Variants in GPA33 observed in about 807,000 individuals in gnomAD.
GPA33 encodes glycoprotein A33.
Under a neutral mutation model 35.6 loss-of-function variants are expected in GPA33, and 27 were observed. The ratio of observed to expected loss-of-function variants is 0.76; its 90% CI spans 0.56 to 1.04. The LOEUF is 1.04. Ranked by LOEUF, GPA33 falls within the 50% of genes least tolerant of loss-of-function variation. The pLI is 0.00. For missense variants in GPA33, 428 were observed against 411.9 expected, an observed-to-expected ratio of 1.04 and a Z score of -0.34; for synonymous variants, 176 against 164.0, an observed-to-expected ratio of 1.07 and a Z score of -0.56.
chr1:167,088,803 C>A (rs1349249294), intron 1 of GPA33, among the ~76,000 whole-genome samples: 2 of 152,156 alleles, frequency 1.3e-5, no homozygotes, highest in Non-Finnish European at 2.9e-5. Context: ...GTGGTGCAGG[C>A]ATGGAGGAGC....
At chr1:167,088,166 G>A (rs985389049) in intron 1 of GPA33, among the ~76,000 whole-genome samples, 7 of 152,116 alleles carry the variant, frequency 4.6e-5, no homozygotes, top group African/African-American at 1.7e-4. Flanking sequence ...AGCCCAGTAA[G>A]TCCTCTGGAA....
Position 167,090,345 on chromosome 1 carries a change from C to T in GPA33, c.-58G>A, listed in dbSNP as rs1212905298. The stretch of plus-strand genomic sequence containing the variant: ...TGTCACTGGCAGCCTCCAGACAGGT[C>T]TGAGCTGTCTGGTTAAAGCTACAGC... On this transcript the variant is annotated 5_prime_UTR_variant, in exon 1 of 7. Transcript: ENST00000367868. 7.1e-7 allele frequency: 1 copy of T among 1,416,570 alleles called. No homozygotes were observed. Among genetic ancestry groups the T allele is most frequent in the East Asian group, 2.3e-5 (1 of 43,526 alleles). 87.8% of individuals were successfully genotyped at this position (1,416,570 alleles called of 1,614,324 possible). A position where few individuals can be genotyped will look rare whatever the true frequency, so the allele number is the denominator to read the frequency against.
At chr1:167,064,211 G>C (rs747180420) in intron 3 of GPA33, among the ~76,000 whole-genome samples, 1 of 152,132 alleles carries the variant, frequency 6.6e-6, no homozygotes, top group Admixed American at 6.5e-5. Flanking sequence ...TTGAATCTGG[G>C]AGGCGGAGGT....
intron 1 of GPA33, among the ~76,000 whole-genome samples, chr1:167,082,914 C>G (rs577839471): frequency 6.8e-4 from 104 of 152,146 alleles, no homozygotes; most frequent in African/African-American, 2.4e-3. Context: ...AGGAAGGAGG[C>G]GGGTTCCAAG....
At chr1:167,090,032 C>T (rs967595679) in intron 1 of GPA33, among the ~76,000 whole-genome samples, 1 of 152,144 alleles carries the variant, frequency 6.6e-6, no homozygotes, top group African/African-American at 2.4e-5. Context: ...TTCTTCATTT[C>T]AGCAGTGGGC....
chr1:167,084,240 C>A (rs1178470773), intron 1 of GPA33, among the ~76,000 whole-genome samples: 1 of 152,176 alleles, frequency 6.6e-6, no homozygotes, highest in Non-Finnish European at 1.5e-5. Flanking sequence ...GGCAAACAGG[C>A]TCAGGAGACA....
chr1:167,081,176 A>T (rs1417456596), intron 1 of GPA33, among the ~76,000 whole-genome samples: 1 of 152,252 alleles, frequency 6.6e-6, no homozygotes, highest in Non-Finnish European at 1.5e-5. Flanking sequence ...AATACGTTGG[A>T]GGATAATGAA....
At chr1:167,060,637 T>A (rs1187402358) in intron 4 of GPA33, among the ~76,000 whole-genome samples, 20 of 152,204 alleles carry the variant, frequency 1.3e-4, no homozygotes, top group Admixed American at 1.3e-3. Context: ...GGATTCTCCC[T>A]TTTGGATAAT....
intron 5 of GPA33, 146 bp downstream of exon 5, chr1:167,055,584 T>C (rs561583515): frequency 1.2e-6 from 1 of 838,746 alleles, no homozygotes; most frequent in Non-Finnish European, 1.9e-6. Context: ...AGAGTCATCC[T>C]GCCTAGGTCA....
At chr1:167,073,740 C>T (rs151195737) in intron 1 of GPA33, among the ~76,000 whole-genome samples, 418 of 152,254 alleles carry the variant, frequency 2.7e-3, no homozygotes, top group Non-Finnish European at 4.3e-3. Context: ...GGGCCTTGGT[C>T]CACCTGACTC....
chr1:167,071,242 C>T (rs1458395573), intron 2 of GPA33, among the ~76,000 whole-genome samples: 2 of 152,114 alleles, frequency 1.3e-5, no homozygotes, highest in Non-Finnish European at 2.9e-5. Flanking sequence ...CAAGAAGACT[C>T]CAAGGTTGGA....
At chr1:167,085,762 T>C (rs1667035123) in intron 1 of GPA33, among the ~76,000 whole-genome samples, 1 of 152,238 alleles carries the variant, frequency 6.6e-6, no homozygotes, top group Admixed American at 6.5e-5. Context: ...AGCTGGATGA[T>C]GCAAAACTGA....
intron 4 of GPA33, among the ~76,000 whole-genome samples, chr1:167,056,956 ATG>A (rs1342096937): frequency 1.1e-5 from 1 of 89,384 alleles, no homozygotes; most frequent in African/African-American, 4.6e-5. Flanking sequence ...CGTGTGTAGT[ATG>A]TGTGGTGTGC....
intron 4 of GPA33, among the ~76,000 whole-genome samples, 200 bp downstream of exon 4, chr1:167,063,382 C>T (rs1490279708): frequency 6.6e-6 from 1 of 152,138 alleles, no homozygotes; most frequent in African/African-American, 2.4e-5. Flanking sequence ...TGCACTCCAG[C>T]CTGGGCCACC....
At chr1:167,068,273 T>C (rs1666641295) in intron 3 of GPA33, among the ~76,000 whole-genome samples, 1 of 152,250 alleles carries the variant, frequency 6.6e-6, no homozygotes, top group Non-Finnish European at 1.5e-5. Flanking sequence ...TATTTTCCAA[T>C]AACGATTTGA....
intron 1 of GPA33, chr1:167,082,367 G>T: frequency 2.2e-6 from 1 of 453,080 alleles, no homozygotes; most frequent in East Asian, 7.0e-5. Flanking sequence ...AGGTGAAAAA[G>T]TAGAGACAGT....
intron 1 of GPA33, among the ~76,000 whole-genome samples, chr1:167,076,096 A>G (rs10918616): frequency 0.36 from 54,109 of 152,042 alleles, 10,966 homozygotes; most frequent in African/African-American, 0.54. Context: ...GAGAGCAGGG[A>G]GACTGTAGCA....
chr1:167,064,216 G>A (rs1302774403), intron 3 of GPA33, among the ~76,000 whole-genome samples: 9 of 152,038 alleles, frequency 5.9e-5, no homozygotes, highest in East Asian at 1.9e-4. Flanking sequence ...TCTGGGAGGC[G>A]GAGGTTGCAG....
chr1:167,081,150 GA>G (rs1228038335), intron 1 of GPA33, among the ~76,000 whole-genome samples: 10 of 152,328 alleles, frequency 6.6e-5, no homozygotes, highest in Admixed American at 6.5e-4. Context: ...GGTCTCTTGA[GA>G]ACTAAATGGA....
Sources: gnomAD v4.1 joint callset for allele counts (sites outside exome capture counted in the v4.1 genomes callset) on GRCh38, gnomAD v4.1.1 for gene constraint, MANE v1.5 for transcripts, NCBI Gene and HGNC (gene_info 2026-07-23, HGNC 2026-07-21) for gene names.